Variants in CNTN3 observed in about 807,000 individuals in gnomAD.
CNTN3 encodes the protein contactin-3.
CNTN3 carries 60 observed loss-of-function variants against 119.1 expected under a neutral mutation model. That is an observed-to-expected ratio of 0.50 (90% CI 0.41 to 0.62). The LOEUF is 0.62. CNTN3 is among the 20% of genes least tolerant of loss of function. The probability of loss-of-function intolerance (pLI) is 0.00; values close to 1 mark genes in which losing one functional copy is unlikely to be tolerated. For synonymous variants in CNTN3, 450 were observed against 438.7 expected, an observed-to-expected ratio of 1.03 and a Z score of -0.32; for missense variants, 1,101 against 1,242.4, an observed-to-expected ratio of 0.89 and a Z score of 1.71.
intron 5 of CNTN3, among the ~76,000 whole-genome samples, chr3:74,398,520 T>G (rs914061985): frequency 1.3e-5 from 2 of 152,240 alleles, no homozygotes; most frequent in African/African-American, 4.8e-5. Context: ...GCCAAAATAT[T>G]TATGTGACTT....
chr3:74,322,339 G>A (rs1703016263), intron 13 of CNTN3, among the ~76,000 whole-genome samples: 2 of 152,008 alleles, frequency 1.3e-5, no homozygotes, highest in South Asian at 4.2e-4. Context: ...GTGGGCAAAA[G>A]ACCTGAACCA....
intron 2 of CNTN3, among the ~76,000 whole-genome samples, chr3:74,507,371 A>T (rs960004964): frequency 1.3e-5 from 2 of 151,464 alleles, no homozygotes; most frequent in Non-Finnish European, 2.9e-5. Flanking sequence ...TGAGCCATGA[A>T]CACACCACTG....
At chr3:74,584,304 T>C (rs1704559603) in intron 1 of CNTN3, among the ~76,000 whole-genome samples, 1 of 152,204 alleles carries the variant, frequency 6.6e-6, no homozygotes, top group Non-Finnish European at 1.5e-5. Context: ...GAAAACAGCA[T>C]GTCCATTATA....
In CNTN3 at chr3:74,456,875, AT is replaced by A. The variant is rs147317906; in HGVS notation, c.358+29580del. ...TATGTTGAAAGATCAAATTACTGAG[AT>A]TACACTCAAAGGCAAAATAAAATCT... On this transcript the variant is annotated intron_variant, in intron 4 of 22. Coordinates refer to ENST00000263665, the MANE Select transcript of CNTN3 (RefSeq NM_020872.3). Among the ~76,000 whole-genome samples the A allele has an allele frequency of 9.7e-3, 1,481 of 152,148 alleles. 24 individuals are homozygous for A. The highest frequency in any genetic ancestry group is 0.034 in the African/African-American group (1,392 of 41,534).
At chr3:74,471,308 T>C (rs1469001162) in intron 4 of CNTN3, among the ~76,000 whole-genome samples, 1 of 152,092 alleles carries the variant, frequency 6.6e-6, no homozygotes, top group Non-Finnish European at 1.5e-5. Flanking sequence ...CAATACTGCA[T>C]GTTCTTCACA....
intron 1 of CNTN3, among the ~76,000 whole-genome samples, chr3:74,596,427 C>T (rs1704811284): frequency 6.6e-6 from 1 of 152,148 alleles, no homozygotes; most frequent in Non-Finnish European, 1.5e-5. Flanking sequence ...CGCTACCTGA[C>T]TTCAAACTAT....
intron 4 of CNTN3, among the ~76,000 whole-genome samples, chr3:74,438,124 G>A (rs1701902732): frequency 6.6e-6 from 1 of 152,048 alleles, no homozygotes; most frequent in South Asian, 2.1e-4. Context: ...CTGAATATGG[G>A]AACAAATTAT....
intron 5 of CNTN3, among the ~76,000 whole-genome samples, chr3:74,383,277 T>A (rs1243910308): frequency 6.6e-6 from 1 of 152,192 alleles, no homozygotes; most frequent in Admixed American, 6.5e-5. Context: ...AAATGGGTTT[T>A]CTTTCTCCCT....
chr3:74,491,108 A>T (rs1702954658), intron 3 of CNTN3, among the ~76,000 whole-genome samples: 1 of 152,204 alleles, frequency 6.6e-6, no homozygotes, highest in Non-Finnish European at 1.5e-5. Flanking sequence ...TTAATATTTT[A>T]TCCTGAGAAA....
chr3:74,277,261 A>G (rs1275534539), intron 20 of CNTN3, among the ~76,000 whole-genome samples: 1 of 152,152 alleles, frequency 6.6e-6, no homozygotes, highest in African/African-American at 2.4e-5. Flanking sequence ...TCCCTAATTC[A>G]TTCTATGAAG....
intron 1 of CNTN3, among the ~76,000 whole-genome samples, chr3:74,552,894 C>A (rs914823722): frequency 2.6e-5 from 4 of 152,126 alleles, no homozygotes; most frequent in African/African-American, 4.8e-5. Context: ...TTTCCTGAGT[C>A]CCCCCAGGCC....
chr3:74,410,186 CT>C (rs1330903573), intron 5 of CNTN3, among the ~76,000 whole-genome samples: 1 of 152,184 alleles, frequency 6.6e-6, no homozygotes, highest in African/African-American at 2.4e-5. Context: ...TACTCTTGTA[CT>C]GCAGAGAACA....
chr3:74,328,747 C>T (rs1703190248), intron 13 of CNTN3, among the ~76,000 whole-genome samples: 1 of 152,232 alleles, frequency 6.6e-6, no homozygotes, highest in South Asian at 2.1e-4. Context: ...TGTATTACCC[C>T]CTTTTCCAGC....
At position 74,393,310 on chromosome 3, in the gene CNTN3, T is replaced by C. The variant is rs1704960993; in HGVS notation, c.455-21911A>G. ...ACCAATGTATGACTGCAAGCCAGAATGCATGTCACTATGAACTCCCAAACC... is the reference window on the plus strand; with the variant it reads ...ACCAATGTATGACTGCAAGCCAGAACGCATGTCACTATGAACTCCCAAACC... On this transcript the variant is annotated intron_variant, in intron 5 of 22. Coordinates refer to ENST00000263665, the MANE Select transcript of CNTN3 (RefSeq NM_020872.3). Among the ~76,000 whole-genome samples, 6 of 152,226 alleles carry C rather than the reference T, an allele frequency of 3.9e-5. No homozygotes were observed. In the South Asian group the frequency reaches 1.2e-3, roughly 32 times the overall value.
rs543524238 is a variant in CNTN3, at chr3:74,609,606, G to T, written c.-81+4785C>A. Among the ~76,000 whole-genome samples, 9 of 152,268 alleles carry T rather than the reference G, an allele frequency of 5.9e-5. No homozygotes were observed. The East Asian group carries it at 1.7e-3, about 29-fold the overall frequency. On this transcript the variant is annotated intron_variant, in intron 1 of 22. Coordinates refer to ENST00000263665, the MANE Select transcript of CNTN3 (RefSeq NM_020872.3). ...ACAACATTGGTTTGAAGTAGCAGGT[G>T]TCCAAGAGATGTACGAGATCACGGG...
intron 1 of CNTN3, among the ~76,000 whole-genome samples, chr3:74,523,863 TCTGAAGGTAGAA>T (rs1703578019): frequency 6.6e-6 from 1 of 151,970 alleles, no homozygotes; most frequent in Non-Finnish European, 1.5e-5. Context: ...TTGATAAATC[TCTGAAGGTAGAA>T]CCACAGTTAA....
intron 4 of CNTN3, among the ~76,000 whole-genome samples, chr3:74,442,325 T>C (rs1158088070): frequency 1.3e-5 from 2 of 152,128 alleles, no homozygotes; most frequent in African/African-American, 2.4e-5. Flanking sequence ...ACTAAACATG[T>C]CAGCTCTGCT....
chr3:74,407,199 G>A (rs1331312546), intron 5 of CNTN3, among the ~76,000 whole-genome samples: 1 of 151,576 alleles, frequency 6.6e-6, no homozygotes, highest in East Asian at 1.9e-4. Flanking sequence ...TTGTGTGGGT[G>A]CTAGAAGCAT....
chr3:74,436,039 C>T (rs145863508), intron 4 of CNTN3, among the ~76,000 whole-genome samples: 45 of 152,322 alleles, frequency 3.0e-4, no homozygotes, highest in Non-Finnish European at 5.9e-4. Flanking sequence ...CATTCTCTGT[C>T]CTAACATTCA....
Sources: allele counts gnomAD v4.1 joint callset (sites outside exome capture counted in the v4.1 genomes callset), GRCh38; gene constraint gnomAD v4.1.1; transcripts MANE v1.5; gene names NCBI Gene and HGNC (gene_info 2026-07-23, HGNC 2026-07-21).